Variants in HSF5 observed in about 807,000 individuals in gnomAD.
The protein encoded by HSF5 is heat shock transcription factor 5, also known as heat shock factor protein 5.
In HSF5, 5 loss-of-function variants were observed where a neutral mutation model predicts 50.8. The ratio of observed to expected loss-of-function variants is 0.10; its 90% CI spans 0.05 to 0.21. The LOEUF (loss-of-function observed/expected upper bound fraction) is 0.21, where lower values mean the gene tolerates loss of function less well. Ranked by LOEUF, HSF5 falls within the 10% of genes least tolerant of loss-of-function variation. The pLI is 1.00. For synonymous variants in HSF5, 307 were observed against 307.4 expected (o/e 1.00, Z 0.02); for missense variants, 564 against 762.6 (o/e 0.74, Z 3.07).
chr17:58,433,473 A>G (rs1974389196), intron 5 of HSF5, among the ~76,000 whole-genome samples: 1 of 152,206 alleles, frequency 6.6e-6, no homozygotes, highest in African/African-American at 2.4e-5. Context: ...AAAGGTGATA[A>G]TAAAAGCATG....
intron 5 of HSF5, among the ~76,000 whole-genome samples, chr17:58,458,316 C>A (rs1232270363): frequency 6.6e-6 from 1 of 152,154 alleles, no homozygotes; most frequent in African/African-American, 2.4e-5. Context: ...TTTATAGTAT[C>A]TTTAAAATGC....
At chr17:58,453,027 C>T (rs1974661391) in intron 5 of HSF5, among the ~76,000 whole-genome samples, 1 of 151,900 alleles carries the variant, frequency 6.6e-6, no homozygotes, top group South Asian at 2.1e-4. Flanking sequence ...AGAGGGAGAC[C>T]CTGTCTCAAA....
intron 2 of HSF5, among the ~76,000 whole-genome samples, chr17:58,473,969 C>A (rs1974979986): frequency 6.6e-6 from 1 of 152,126 alleles, no homozygotes; most frequent in Non-Finnish European, 1.5e-5. Flanking sequence ...CCTCAGCCCC[C>A]AAGTAGCTGG....
intron 5 of HSF5, among the ~76,000 whole-genome samples, chr17:58,455,793 C>T (rs1974702678): frequency 6.6e-6 from 1 of 151,964 alleles, no homozygotes; most frequent in African/African-American, 2.4e-5. Context: ...TATCACCTCA[C>T]CCCAGTTAAA....
At chr17:58,467,021 C>T in intron 2 of HSF5, 42 bp from the exon 3 acceptor site, 2 of 1,292,640 alleles carry the variant, frequency 1.5e-6, no homozygotes, top group South Asian at 1.2e-5. Flanking sequence ...AACCACAATA[C>T]ATTTCTATAG....
chr17:58,470,592 A>T (rs1974930013), intron 2 of HSF5, among the ~76,000 whole-genome samples: 1 of 152,242 alleles, frequency 6.6e-6, no homozygotes, highest in Non-Finnish European at 1.5e-5. Flanking sequence ...AATATTGTGA[A>T]TATAAGTAGT....
At position 58,420,492 on chromosome 17, in the gene HSF5, A is replaced by C. The variant is rs530837938; in HGVS notation, c.*1868T>G. 6.6e-6 allele frequency: 1 copy of C among 152,300 alleles called. No individual in the cohort carries two copies. The highest frequency in any genetic ancestry group is 2.1e-4 in the South Asian group (1 of 4,830). The allele number at this position is 152,300 out of a possible 1,614,324, so 9.4% of individuals were successfully genotyped here. A position where few individuals can be genotyped will look rare whatever the true frequency, so the allele number is the denominator to read the frequency against. On this transcript the variant is annotated 3_prime_UTR_variant, in exon 6 of 6. Coordinates refer to ENST00000323777, the MANE Select transcript of HSF5 (RefSeq NM_001080439.3). ...AAACAACTGAAACCAAATCTATGCC[A>C]AGGTTCCTGCTTGACATGTGTTCCT...
chr17:58,458,762 C>T lies in HSF5; in HGVS notation c.1720+6G>A, dbSNP rs200736263. 1.9e-6 allele frequency: 3 copies of T among 1,605,526 alleles called. No homozygotes were observed. Among genetic ancestry groups the T allele is most frequent in the South Asian group, 1.1e-5 (1 of 89,190 alleles). ...TTCTGGCATTCTAGAGCACAATAAT[C>T]CTTACCAGGGGACTTTCCTTGTTGT... On this transcript the variant is annotated splice_donor_region_variant and intron_variant, in intron 5 of 5. Transcript: ENST00000323777.
intron 2 of HSF5, chr17:58,476,246 C>T: frequency 1.1e-6 from 1 of 926,432 alleles, no homozygotes; most frequent in Non-Finnish European, 1.7e-6. Context: ...TCTTCATCAT[C>T]ATCATCTTCT....
intron 3 of HSF5, 30 bp downstream of exon 3, chr17:58,466,855 G>A (rs370254043): frequency 5.7e-5 from 77 of 1,351,434 alleles, no homozygotes; most frequent in Admixed American, 6.7e-5. Flanking sequence ...CATAAAGCGC[G>A]GAGCATGGCC....
At chr17:58,438,582 T>G (rs753727623) in intron 5 of HSF5, among the ~76,000 whole-genome samples, 15 of 152,172 alleles carry the variant, frequency 9.9e-5, no homozygotes, top group Middle Eastern at 3.4e-3. Context: ...AGACCACACA[T>G]GCCAAGTGAA....
chr17:58,435,222 A>G (rs1161637133), intron 5 of HSF5, among the ~76,000 whole-genome samples: 2 of 152,142 alleles, frequency 1.3e-5, no homozygotes, highest in Non-Finnish European at 2.9e-5. Context: ...ATATTATAGG[A>G]CTGCTGCAAC....
At chr17:58,451,312 A>G (rs1327532228) in intron 5 of HSF5, among the ~76,000 whole-genome samples, 1 of 152,186 alleles carries the variant, frequency 6.6e-6, no homozygotes, top group Non-Finnish European at 1.5e-5. Context: ...GAAACATCAG[A>G]GTTAACTGTG....
intron 5 of HSF5, among the ~76,000 whole-genome samples, chr17:58,425,664 T>G (rs1436486514): frequency 2.0e-5 from 3 of 151,742 alleles, no homozygotes; most frequent in African/African-American, 7.3e-5. Context: ...TCTCTGAAGT[T>G]TAAGTAATAA....
chr17:58,442,210 G>A (rs558996814), intron 5 of HSF5, among the ~76,000 whole-genome samples: 4 of 152,300 alleles, frequency 2.6e-5, no homozygotes, highest in African/African-American at 7.2e-5. Flanking sequence ...TTCCATGGTG[G>A]TGGAATGCTT....
intron 5 of HSF5, among the ~76,000 whole-genome samples, chr17:58,427,450 T>C (rs1331929184): frequency 6.6e-6 from 1 of 152,190 alleles, no homozygotes; most frequent in African/African-American, 2.4e-5. Flanking sequence ...CATAATGATA[T>C]TCCAACAGTT....
rs547661994 is a variant in HSF5 at position 58,487,149 on chromosome 17, A to T, written c.550+576T>A. 2.6e-5 allele frequency among the ~76,000 whole-genome samples: 4 copies of T among 151,502 alleles called. No individual in the cohort carries two copies. The East Asian group carries it at 7.8e-4, about 29-fold the overall frequency. On this transcript the variant is annotated intron_variant, in intron 1 of 5. Transcript: ENST00000323777. ...TCTCAAACTCCTAACCTCGTGATGCACCCGCCTCGGCCTCCCAAAGTGCTG... is the reference window on the plus strand; with the variant it reads ...TCTCAAACTCCTAACCTCGTGATGCTCCCGCCTCGGCCTCCCAAAGTGCTG...
At chr17:58,468,276 T>C (rs966320627) in intron 2 of HSF5, among the ~76,000 whole-genome samples, 1 of 152,150 alleles carries the variant, frequency 6.6e-6, no homozygotes, top group African/African-American at 2.4e-5. Flanking sequence ...CACATGTTTG[T>C]AGTCCCAGCT....
At chr17:58,479,514 G>A (rs1269213151) in intron 2 of HSF5, among the ~76,000 whole-genome samples, 1 of 151,938 alleles carries the variant, frequency 6.6e-6, no homozygotes, top group Non-Finnish European at 1.5e-5. Context: ...TGTTGGCTAG[G>A]CTGGTCTCGA....
Sources: gnomAD v4.1 joint callset for allele counts (sites outside exome capture counted in the v4.1 genomes callset) on GRCh38, gnomAD v4.1.1 for gene constraint, MANE v1.5 for transcripts, NCBI Gene and HGNC (gene_info 2026-07-23, HGNC 2026-07-21) for gene names.